The following SLX4IP variants were observed in gnomAD, a reference collection of about 807,000 sequenced individuals.
The protein encoded by SLX4IP is protein SLX4IP.
SLX4IP carries 34 observed loss-of-function variants against 32.9 expected under a neutral mutation model. The observed-to-expected ratio is 1.03, with a 90% CI of 0.79 to 1.38. SLX4IP has a LOEUF of 1.38. Among genes scored for constraint, SLX4IP ranks in the 40% most tolerant of loss-of-function variants. SLX4IP has a pLI of 0.00. For missense variants in SLX4IP, 444 were observed against 479.0 expected (o/e 0.93, Z 0.68); for synonymous variants, 172 against 171.7 (o/e 1.00, Z -0.01).
chr20:10,467,056 A>C (rs922878550), intron 2 of SLX4IP, among the ~76,000 whole-genome samples: 3 of 152,184 alleles, frequency 2.0e-5, no homozygotes, highest in Admixed American at 2.0e-4. Context: ...AGCTCTTTAA[A>C]CTTTCAGAGA....
intron 4 of SLX4IP, among the ~76,000 whole-genome samples, chr20:10,588,835 A>C (rs2066675138): frequency 6.6e-6 from 1 of 152,194 alleles, no homozygotes; most frequent in South Asian, 2.1e-4. Flanking sequence ...ATCAGTTATA[A>C]GGTGAATAAG....
chr20:10,622,813 C>G lies in SLX4IP; in HGVS notation c.661C>G (p.Gln221Glu). 6.2e-7 allele frequency: 1 copy of G among 1,614,084 alleles called. No homozygotes were observed. The highest frequency in any genetic ancestry group is 8.5e-7 in the Non-Finnish European group (1 of 1,180,036). Residue 221 changes from glutamine to glutamate, a missense_variant, in exon 8 of 8, where the codon CAA (glutamine) becomes GAA (glutamate). Physicochemically the swap from Gln to Glu is conservative, Grantham distance 29. Coordinates refer to ENST00000334534, the MANE Select transcript of SLX4IP (RefSeq NM_001009608.3). ...SSSPPSESMG[Q>E]AKDSIKAAES... ...CAGTCCCCCATCAGAATCCATGGGA[C>G]AAGCAAAGGATTCCATAAAGGCAGC...
chr20:10,547,015 T>C (rs939671079), intron 2 of SLX4IP, among the ~76,000 whole-genome samples: 70 of 152,220 alleles, frequency 4.6e-4, no homozygotes, highest in Admixed American at 3.4e-3. Context: ...CAGGGGCATA[T>C]GTTAAATTTA....
At chr20:10,584,200 A>C (rs1265915764) in intron 4 of SLX4IP, among the ~76,000 whole-genome samples, 1 of 152,232 alleles carries the variant, frequency 6.6e-6, no homozygotes, top group Non-Finnish European at 1.5e-5. Context: ...AAAACAAAGA[A>C]GGCATGAGAC....
chr20:10,570,252 A>G (rs1228683561), intron 4 of SLX4IP, among the ~76,000 whole-genome samples: 1 of 152,204 alleles, frequency 6.6e-6, no homozygotes, highest in East Asian at 1.9e-4. Context: ...CTGTGCAGAC[A>G]TCATATCTGT....
At chr20:10,435,922 G>T (rs191637511) in intron 1 of SLX4IP, among the ~76,000 whole-genome samples, 1 of 152,282 alleles carries the variant, frequency 6.6e-6, no homozygotes, top group African/African-American at 2.4e-5. Context: ...TTAACTCATG[G>T]AGCCTACATT....
At chr20:10,462,728 A>G in intron 2 of SLX4IP, among the ~76,000 whole-genome samples, 1 of 152,256 alleles carries the variant, frequency 6.6e-6, no homozygotes, top group Non-Finnish European at 1.5e-5. Context: ...GGAACCAGTC[A>G]GATGAGGGCC....
At chr20:10,525,996 G>C (rs1278836372) in intron 2 of SLX4IP, among the ~76,000 whole-genome samples, 1 of 152,078 alleles carries the variant, frequency 6.6e-6, no homozygotes. Flanking sequence ...GCAGCAGAAG[G>C]GCCCCACTTC....
At chr20:10,526,030 A>G (rs1016508346) in intron 2 of SLX4IP, among the ~76,000 whole-genome samples, 9 of 152,110 alleles carry the variant, frequency 5.9e-5, no homozygotes, top group African/African-American at 2.2e-4. Context: ...CTCCCTGCTC[A>G]TCACTGGCCT....
chr20:10,458,083 A>C (rs954027645), intron 1 of SLX4IP, 93 bp from the exon 2 acceptor site: 1 of 700,544 alleles, frequency 1.4e-6, no homozygotes, highest in Non-Finnish European at 2.2e-6. Context: ...ATACCTATTG[A>C]TATTTTACTA....
At chr20:10,458,123 C>T in intron 1 of SLX4IP, 53 bp from the exon 2 acceptor site, 8 of 1,185,418 alleles carry the variant, frequency 6.7e-6, no homozygotes, top group East Asian at 2.6e-5. Context: ...GTATAATATC[C>T]AAATAAAAAG....
chr20:10,483,565 AT>A (rs2065544471), intron 2 of SLX4IP, among the ~76,000 whole-genome samples: 1 of 152,242 alleles, frequency 6.6e-6, no homozygotes, highest in Admixed American at 6.5e-5. Flanking sequence ...TGTTGCAAAA[AT>A]GCAAATTAAT....
At chr20:10,605,141 T>C (rs1426012117) in intron 6 of SLX4IP, among the ~76,000 whole-genome samples, 1 of 152,224 alleles carries the variant, frequency 6.6e-6, no homozygotes, top group African/African-American at 2.4e-5. Flanking sequence ...TTTGTTAAAG[T>C]TGTGTAAATA....
chr20:10,585,728 C>A (rs534087024), intron 4 of SLX4IP, among the ~76,000 whole-genome samples: 1 of 152,102 alleles, frequency 6.6e-6, no homozygotes, highest in Admixed American at 6.6e-5. Context: ...GTAGCTGGGA[C>A]TACAGTTGCA....
chr20:10,545,956 A>G (rs1350099654), intron 2 of SLX4IP, among the ~76,000 whole-genome samples: 1 of 152,206 alleles, frequency 6.6e-6, no homozygotes, highest in Non-Finnish European at 1.5e-5. Context: ...CTTTTCTTTC[A>G]TGTCAGGATT....
intron 6 of SLX4IP, among the ~76,000 whole-genome samples, chr20:10,612,685 A>G (rs1222278166): frequency 1.3e-5 from 2 of 151,942 alleles, no homozygotes; most frequent in East Asian, 1.9e-4. Flanking sequence ...GATTACAGGC[A>G]TGCACCACCA....
chr20:10,593,633 G>A (rs2066737281), intron 4 of SLX4IP, among the ~76,000 whole-genome samples: 2 of 152,116 alleles, frequency 1.3e-5, no homozygotes, highest in African/African-American at 4.8e-5. Flanking sequence ...CTACTCAGGA[G>A]GTTGAAGTGA....
At chr20:10,481,260 T>C (rs1320919877) in intron 2 of SLX4IP, among the ~76,000 whole-genome samples, 3 of 152,184 alleles carry the variant, frequency 2.0e-5, no homozygotes, top group Admixed American at 6.5e-5. Flanking sequence ...GAAATCACTC[T>C]ATTGAAAAGA....
chr20:10,517,306 A>C (rs552748293), intron 2 of SLX4IP, among the ~76,000 whole-genome samples: 1 of 152,334 alleles, frequency 6.6e-6, no homozygotes, highest in East Asian at 1.9e-4. Context: ...TGACAAGGTG[A>C]AAATTCAGGG....
Sources: gnomAD v4.1 joint callset for allele counts (sites outside exome capture counted in the v4.1 genomes callset) on GRCh38, gnomAD v4.1.1 for gene constraint, MANE v1.5 for transcripts, NCBI Gene and HGNC (gene_info 2026-07-23, HGNC 2026-07-21) for gene names.